TBC1D1: variants seen among roughly 807,000 people sequenced by gnomAD.
TBC1D1 encodes TBC1 (tre-2/USP6, BUB2, cdc16) domain family, member 1.
TBC1D1 carries 89 observed loss-of-function variants against 125.6 expected under a neutral mutation model. The ratio of observed to expected loss-of-function variants is 0.71; its 90% confidence interval spans 0.60 to 0.85. The LOEUF (loss-of-function observed/expected upper bound fraction) is 0.85, where lower values mean the gene tolerates loss of function less well. TBC1D1 is among the 40% of genes least tolerant of loss of function. The pLI is 0.00. For missense variants in TBC1D1, 1,377 were observed against 1,469.2 expected, an observed-to-expected ratio of 0.94 and a Z score of 1.03; for synonymous variants, 565 against 564.1, an observed-to-expected ratio of 1.00 and a Z score of -0.02.
Position 37,977,817 on chromosome 4 carries a change from G to A in TBC1D1, c.418-36692G>A, listed in dbSNP as rs965760795. On this transcript the variant is annotated intron_variant, in intron 2 of 19. Transcript: ENST00000261439. This position sits in a 1 kb window ranked among gnomAD's most constrained non-coding sequence, Gnocchi z 4.3. The stretch of plus-strand genomic sequence containing the variant: ...CCCGAACCCAGCAGGCGGCTCCTCC[G>A]GCCCCTGTCGCTCCCCGCGCCGCGG... 6.6e-6 allele frequency among the ~76,000 whole-genome samples: 1 copy of A among 152,084 alleles called. No individual in the cohort carries two copies. Among genetic ancestry groups the A allele is most frequent in the Non-Finnish European group, 1.5e-5 (1 of 67,978 alleles).
intron 2 of TBC1D1, among the ~76,000 whole-genome samples, chr4:37,998,146 G>T (rs1215434474): frequency 1.3e-5 from 2 of 152,058 alleles, no homozygotes; most frequent in African/African-American, 4.8e-5. Context: ...TATTGCCACT[G>T]CCCTAGGTGA....
intron 2 of TBC1D1, among the ~76,000 whole-genome samples, chr4:37,930,923 T>G (rs1209929003): frequency 6.6e-6 from 1 of 152,230 alleles, no homozygotes; most frequent in South Asian, 2.1e-4. Flanking sequence ...AAAATCTTAC[T>G]GGATTATACT....
At chr4:37,891,879 T>G (rs1216557087) in intron 1 of TBC1D1, among the ~76,000 whole-genome samples, 1 of 152,030 alleles carries the variant, frequency 6.6e-6, no homozygotes, top group Non-Finnish European at 1.5e-5. Flanking sequence ...GGCTCTGTGA[T>G]TATGAGACCC....
At chr4:37,974,924 A>G (rs1381442660) in intron 2 of TBC1D1, among the ~76,000 whole-genome samples, 1 of 152,210 alleles carries the variant, frequency 6.6e-6, no homozygotes, top group East Asian at 1.9e-4. Context: ...TGGAAAAAAG[A>G]TGAAACCCTA....
chr4:38,101,232 T>G (rs1256595129), intron 14 of TBC1D1, among the ~76,000 whole-genome samples: 1 of 152,218 alleles, frequency 6.6e-6, no homozygotes, highest in Non-Finnish European at 1.5e-5. Context: ...GGACAGGCTG[T>G]CTGAGTGGCA....
chr4:38,102,911 A>G lies in TBC1D1; in HGVS notation c.2399-88A>G, dbSNP rs1034377372. The G allele has an allele frequency of 1.1e-5, 15 of 1,393,766 alleles. No homozygotes were observed. In the African/African-American group the frequency reaches 2.1e-4, roughly 19 times the overall value. The allele number at this position is 1,393,766 out of a possible 1,614,324, so 86.3% of individuals were successfully genotyped here. A position where few individuals can be genotyped will look rare whatever the true frequency, so the allele number is the denominator to read the frequency against. On this transcript the variant is annotated intron_variant, in intron 14 of 19. Transcript: ENST00000261439. ...AAAAAAAAAAGGAACAAGAATTTGGATAAATGGAACATGAAACACAATTCA... is the reference window on the plus strand; with the variant it reads ...AAAAAAAAAAGGAACAAGAATTTGGGTAAATGGAACATGAAACACAATTCA...
chr4:37,897,256 A>G (rs1463684212), intron 1 of TBC1D1, among the ~76,000 whole-genome samples: 2 of 152,190 alleles, frequency 1.3e-5, no homozygotes, highest in Non-Finnish European at 2.9e-5. Context: ...AATGGCAAAA[A>G]TTGCAGTTAC....
Position 38,137,987 on chromosome 4 carries a change from A to G in TBC1D1, c.*652A>G, listed in dbSNP as rs1766910697. On this transcript the variant is annotated 3_prime_UTR_variant, in exon 20 of 20. Transcript: ENST00000261439. ...ACATTTGAGGACTTTGTTCTACATCAGATTTTACTATTTGAATGTTTAAGA... is the reference window on the plus strand; with the variant it reads ...ACATTTGAGGACTTTGTTCTACATCGGATTTTACTATTTGAATGTTTAAGA... 1 of 152,604 alleles carries G rather than the reference A, an allele frequency of 6.6e-6. No homozygotes were observed. The highest frequency in any genetic ancestry group is 6.5e-5 in the Admixed American group (1 of 15,290). 9.5% of individuals were successfully genotyped at this position (152,604 alleles called of 1,614,324 possible). A position where few individuals can be genotyped will look rare whatever the true frequency, so the allele number is the denominator to read the frequency against.
At chr4:38,107,008 C>A (rs371779427) in intron 15 of TBC1D1, among the ~76,000 whole-genome samples, 8 of 151,884 alleles carry the variant, frequency 5.3e-5, no homozygotes, top group African/African-American at 1.9e-4. Flanking sequence ...GCTGACCCCC[C>A]TCTCTCTTCC....
chr4:37,982,271 G>A (rs1293381249), intron 2 of TBC1D1, among the ~76,000 whole-genome samples: 1 of 152,168 alleles, frequency 6.6e-6, no homozygotes, highest in Non-Finnish European at 1.5e-5. Context: ...AAATATTTAG[G>A]CAACAATTTT....
chr4:37,952,004 A>C (rs1250993761), intron 2 of TBC1D1: 5 of 717,690 alleles, frequency 7.0e-6, no homozygotes, highest in Non-Finnish European at 1.3e-5. Flanking sequence ...CCTGTATTAC[A>C]GTGCTCATCA....
intron 2 of TBC1D1, among the ~76,000 whole-genome samples, chr4:37,939,160 T>G (rs938373893): frequency 9.2e-5 from 14 of 152,196 alleles, no homozygotes; most frequent in African/African-American, 3.4e-4. Flanking sequence ...AAAGTGTTCC[T>G]ATTTCTCCAC....
chr4:38,054,439 A>G (rs1216734655), intron 12 of TBC1D1, 101 bp downstream of exon 14: 14 of 1,481,114 alleles, frequency 9.5e-6, no homozygotes, highest in Admixed American at 5.5e-5. Flanking sequence ...CGTCCTCTTC[A>G]GTATTGGCAG....
intron 2 of TBC1D1, among the ~76,000 whole-genome samples, chr4:37,942,842 G>A (rs1455912357): frequency 6.6e-6 from 1 of 152,058 alleles, no homozygotes; most frequent in African/African-American, 2.4e-5. Context: ...GCCCGGCTAG[G>A]TTAATATTGT....
At chr4:37,935,173 A>G (rs886106016) in intron 2 of TBC1D1, among the ~76,000 whole-genome samples, 2 of 152,178 alleles carry the variant, frequency 1.3e-5, no homozygotes, top group South Asian at 4.1e-4. Flanking sequence ...ATTTGTAGCA[A>G]TAATATAGTC....
intron 2 of TBC1D1, chr4:37,960,716 C>G (rs557030910): frequency 1.2e-6 from 2 of 1,614,140 alleles, no homozygotes; most frequent in Non-Finnish European, 1.7e-6. Flanking sequence ...AAAAGATGAC[C>G]GAGAAGACTG....
chr4:38,056,453 T>C (rs1238266259), intron 12 of TBC1D1, among the ~76,000 whole-genome samples: 3 of 152,234 alleles, frequency 2.0e-5, no homozygotes, highest in Middle Eastern at 3.2e-3. Context: ...AGTGATTAAC[T>C]CAAACATTCT....
chr4:37,919,340 G>GT (rs60078358), intron 2 of TBC1D1, among the ~76,000 whole-genome samples: 36,897 of 140,624 alleles, frequency 0.26, 5,464 homozygotes, highest in Admixed American at 0.36. Context: ...GTTTGTTTTT[G>GT]TTTTTTTTTT....
In TBC1D1 at chr4:38,119,093, A is replaced by G. The variant is rs539763145; in HGVS notation, c.2962+901A>G. ...GGCTACTAAAAAAATGATAGTTATT[A>G]TATATCAAATGTTTTTAAGCATCAC... On this transcript the variant is annotated intron_variant, in intron 17 of 19. Transcript: ENST00000261439. 6.6e-5 allele frequency among the ~76,000 whole-genome samples: 10 copies of G among 152,304 alleles called. No homozygotes were observed. The South Asian group carries it at 8.3e-4, about 13-fold the overall frequency.
Sources: allele counts gnomAD v4.1 joint callset (sites outside exome capture counted in the v4.1 genomes callset), GRCh38; gene constraint gnomAD v4.1.1; non-coding constraint Gnocchi (gnomAD v3.1); transcripts MANE v1.5; gene names NCBI Gene and HGNC (gene_info 2026-07-23, HGNC 2026-07-21).